The following STAP2 variants were observed in gnomAD, a reference collection of about 807,000 sequenced individuals.
STAP2 encodes signal-transducing adaptor protein 2.
In STAP2, 58 loss-of-function variants were observed where a neutral mutation model predicts 52.7. That is an observed-to-expected ratio of 1.10 (90% CI 0.89 to 1.37). STAP2 has a LOEUF of 1.37. Ranked by LOEUF, STAP2 falls within the 40% of genes most tolerant of loss-of-function variation. The pLI is 0.00. For synonymous variants in STAP2, 231 were observed against 210.5 expected (o/e 1.10, Z -0.84); for missense variants, 522 against 519.4 (o/e 1.00, Z -0.05).
At chr19:4,333,880 G>A in intron 2 of STAP2, 64 bp from the exon 3 acceptor site, 1 of 1,612,888 alleles carries the variant, frequency 6.2e-7, no homozygotes, top group East Asian at 2.2e-5. Flanking sequence ...CCTGGATGAT[G>A]TAGCAGCCAC....
rs1422579960 is a variant in STAP2, at chr19:4,334,828, TCCACCCACTC to T, written c.103-794_103-785del. On this transcript the variant is annotated intron_variant, in intron 1 of 12. Transcript: ENST00000594605. Reference sequence around the variant, plus strand: ...CCTCCATCATCCATCCACTCATCCATCCACCCACTCATCCATCCATCCACTCATCTATCAA... The same window carrying T: ...CCTCCATCATCCATCCACTCATCCATATCCATCCATCCACTCATCTATCAA... 3.5e-3 allele frequency among the ~76,000 whole-genome samples: 479 copies of T among 136,384 alleles called. 6 individuals carry two copies. Among genetic ancestry groups the T allele is most frequent in the Middle Eastern group, 5.4e-3 (1 of 186 alleles). 89.5% of individuals were successfully genotyped at this position (136,384 alleles called of 152,430 possible).
intron 5 of STAP2, among the ~76,000 whole-genome samples, chr19:4,329,275 G>GT (rs374518363): frequency 2.3e-4 from 34 of 148,218 alleles, no homozygotes; most frequent in East Asian, 3.9e-4. Flanking sequence ...GGGTTTTTTG[G>GT]TTTTTTTTTT....
chr19:4,327,712 T>C (rs1424488993), intron 6 of STAP2, among the ~76,000 whole-genome samples: 2 of 150,916 alleles, frequency 1.3e-5, no homozygotes, highest in South Asian at 2.1e-4. Context: ...CTAGGAAAGG[T>C]CCGCCCCTAA....
At chr19:4,335,390 C>A (rs544484894) in intron 1 of STAP2, among the ~76,000 whole-genome samples, 9 of 151,448 alleles carry the variant, frequency 5.9e-5, no homozygotes, top group African/African-American at 1.9e-4. Flanking sequence ...CATCCATCAT[C>A]CACCCACCCA....
Position 4,327,227 on chromosome 19 carries a change from C to T in STAP2, c.661-1G>A. 1 of 1,614,066 alleles carries T rather than the reference C, an allele frequency of 6.2e-7. No homozygotes were observed. The highest frequency in any genetic ancestry group is 1.7e-5 in the Admixed American group (1 of 60,008). On this transcript the variant is annotated splice_acceptor_variant, in intron 7 of 12. Transcript: ENST00000594605. LOFTEE classifies it high-confidence loss of function. Reference sequence around the variant, plus strand: ...CGGCGTCCAGGGAGGTGCAAGAGAACTGGGGGCAGATGGGGGAGCGGTCAG... The same window carrying T: ...CGGCGTCCAGGGAGGTGCAAGAGAATTGGGGGCAGATGGGGGAGCGGTCAG...
At chr19:4,332,919 G>T (rs574231021) in intron 3 of STAP2, among the ~76,000 whole-genome samples, 1 of 151,524 alleles carries the variant, frequency 6.6e-6, no homozygotes, top group African/African-American at 2.4e-5. Flanking sequence ...GCCAGCCACC[G>T]TGACTCATGC....
Position 4,327,405 on chromosome 19 carries a change from G to A in STAP2, c.591-20C>T. On this transcript the variant is annotated intron_variant, in intron 6 of 12. Coordinates refer to ENST00000594605, the MANE Select transcript of STAP2 (RefSeq NM_001013841.2). ...TGCGTCCTGCACCAGGAGAAAGCGA[G>A]TGAGTGGCTCAGCCCAGGCTCCCAC... is the stretch of plus-strand genomic sequence containing the variant. 4 of 1,613,876 alleles carry A rather than the reference G, an allele frequency of 2.5e-6. No individual in the cohort carries two copies. The highest frequency in any genetic ancestry group is 2.5e-6 in the Non-Finnish European group (3 of 1,179,866).
chr19:4,336,270 C>A (rs140970339), intron 1 of STAP2, among the ~76,000 whole-genome samples: 2 of 151,014 alleles, frequency 1.3e-5, no homozygotes, highest in Non-Finnish European at 2.9e-5. Flanking sequence ...CGGCCTCGCC[C>A]TCCCAAAGTG....
At chr19:4,328,437 C>T (rs1376715016) in intron 6 of STAP2, among the ~76,000 whole-genome samples, 2 of 69,168 alleles carry the variant, frequency 2.9e-5, no homozygotes, top group African/African-American at 9.0e-5. Flanking sequence ...ACTCCTCCCC[C>T]AATCCGCCCA....
intron 4 of STAP2, among the ~76,000 whole-genome samples, chr19:4,330,846 C>G (rs1971878344): frequency 6.6e-6 from 1 of 151,116 alleles, no homozygotes; most frequent in Admixed American, 6.6e-5. Flanking sequence ...TCCCGAGTAG[C>G]TGGAATTACA....
intron 1 of STAP2, among the ~76,000 whole-genome samples, chr19:4,336,833 C>T (rs758255213): frequency 6.7e-6 from 1 of 150,304 alleles, no homozygotes. Context: ...CGAGGTTTCA[C>T]CATATTGGCC....
chr19:4,324,596 C>T (rs1340930888), intron 11 of STAP2, 67 bp from the exon 12 acceptor site: 3 of 1,516,582 alleles, frequency 2.0e-6, no homozygotes, highest in African/African-American at 2.8e-5. Context: ...CTTTGGGAGG[C>T]TGAGGTGGGT....
chr19:4,324,355 A>T (rs762243100), intron 12 of STAP2, 100 bp downstream of exon 12: 1 of 1,328,008 alleles, frequency 7.5e-7, no homozygotes, highest in South Asian at 1.4e-5. Context: ...GAGACAGCAG[A>T]ACCTTAAAAG....
chr19:4,330,878 C>T (rs1370063599), intron 4 of STAP2, among the ~76,000 whole-genome samples: 1 of 151,784 alleles, frequency 6.6e-6, no homozygotes, highest in African/African-American at 2.4e-5. Flanking sequence ...CCACGCCCAG[C>T]TGATTTTTGT....
At chr19:4,324,709 G>A in intron 11 of STAP2, 180 bp from the exon 12 acceptor site, 1 of 580,128 alleles carries the variant, frequency 1.7e-6, no homozygotes, top group South Asian at 2.0e-5. Context: ...GCAGGTGCCT[G>A]TAATCCCAGC....
At position 4,332,006 on chromosome 19, in the gene STAP2, G is replaced by C. The variant is rs772194716; in HGVS notation, c.354+16C>G. 6.2e-7 allele frequency: 1 copy of C among 1,610,016 alleles called. No individual in the cohort carries two copies. Among genetic ancestry groups the C allele is most frequent in the East Asian group, 2.2e-5 (1 of 44,794 alleles). On this transcript the variant is annotated intron_variant, in intron 4 of 12. Coordinates refer to ENST00000594605, the MANE Select transcript of STAP2 (RefSeq NM_001013841.2). ...TGGAGAATGGGAGAGAGGGCGCAGA[G>C]AGCCACTACTCTTACCTCCACCACC...
chr19:4,333,887 C>T lies in STAP2; in HGVS notation c.175-71G>A, dbSNP rs1025516976. 10 of 1,611,676 alleles carry T rather than the reference C, an allele frequency of 6.2e-6. No individual in the cohort carries two copies. The African/African-American group carries it at 1.2e-4, about 19-fold the overall frequency. ...CCAGGCCCCCTGGATGATGTAGCAG[C>T]CACCTTGACCACACCATCTACATTG... On this transcript the variant is annotated intron_variant, in intron 2 of 12. Coordinates refer to ENST00000594605, the MANE Select transcript of STAP2 (RefSeq NM_001013841.2).
chr19:4,324,279 G>A (rs1449577116), intron 12 of STAP2, 82 bp from the exon 13 acceptor site: 1 of 1,453,616 alleles, frequency 6.9e-7, no homozygotes, highest in East Asian at 2.5e-5. Context: ...CCCAGGACCA[G>A]CTACAGATTT....
Position 4,327,352 on chromosome 19 carries a change from C to A in STAP2, c.624G>T (p.Arg208=), listed in dbSNP as rs1332435497. 1 of 1,614,000 alleles carries A rather than the reference C, an allele frequency of 6.2e-7. No individual in the cohort carries two copies. Among genetic ancestry groups the A allele is most frequent in the Non-Finnish European group, 8.5e-7 (1 of 1,179,996 alleles). Residue 208 remains arginine (R), a synonymous_variant, in exon 7 of 13, where the codon CGG becomes CGT. Transcript: ENST00000594605. ...THVVRHYKVK[R]EGPKYVIDVE... The stretch of plus-strand genomic sequence containing the variant: ...CATCGATCACGTACTTGGGGCCCTC[C>A]CGCTTCACCTTGTAATGCCGGACCA...
Sources: allele counts gnomAD v4.1 joint callset (sites outside exome capture counted in the v4.1 genomes callset), GRCh38; gene constraint gnomAD v4.1.1; transcripts MANE v1.5; gene names NCBI Gene and HGNC (gene_info 2026-07-23, HGNC 2026-07-21).